TASP1: variants seen among roughly 807,000 people sequenced by gnomAD.
TASP1 encodes taspase 1.
TASP1 carries 16 observed loss-of-function variants against 56.6 expected under a neutral mutation model. The observed-to-expected ratio is 0.28, with a 90% CI of 0.19 to 0.43. The LOEUF (loss-of-function observed/expected upper bound fraction) is 0.43. Ranked by LOEUF, TASP1 falls within the 20% of genes least tolerant of loss-of-function variation. The probability of loss-of-function intolerance (pLI) is 1.00; values close to 1 mark genes in which losing one functional copy is unlikely to be tolerated. For synonymous variants in TASP1, 179 were observed against 184.2 expected (o/e 0.97, Z 0.23); for missense variants, 393 against 511.6 (o/e 0.77, Z 2.24).
chr20:13,209,095 A>G, the TASP1 span, among the ~76,000 whole-genome samples: 7 of 152,168 alleles, frequency 4.6e-5, no homozygotes, highest in Admixed American at 3.3e-4. Context: ...TGGAGTGTCC[A>G]CTGTCTATGA....
chr20:13,548,487 A>T (rs1394111182), intron 8 of TASP1, among the ~76,000 whole-genome samples: 1 of 152,136 alleles, frequency 6.6e-6, no homozygotes, highest in Non-Finnish European at 1.5e-5. Flanking sequence ...CCATTCAAAT[A>T]AACCTTCATT....
At chr20:13,627,428 AG>A (rs1384876105) in intron 2 of TASP1, among the ~76,000 whole-genome samples, 4 of 152,158 alleles carry the variant, frequency 2.6e-5, no homozygotes, top group African/African-American at 7.2e-5. Flanking sequence ...CCTTTACCTG[AG>A]AGTATGAAAT....
the TASP1 span, among the ~76,000 whole-genome samples, chr20:13,233,583 G>A: frequency 4.8e-5 from 6 of 125,372 alleles, no homozygotes; most frequent in South Asian, 2.5e-4. Flanking sequence ...CAACAAGAGC[G>A]AAACTCCATC....
the TASP1 span, among the ~76,000 whole-genome samples, chr20:13,347,554 A>G: frequency 6.6e-6 from 1 of 152,188 alleles, no homozygotes. Flanking sequence ...AGCAAAGTTT[A>G]TTGGCCAGGC....
chr20:13,215,093 T>C, the TASP1 span, among the ~76,000 whole-genome samples: 1 of 152,210 alleles, frequency 6.6e-6, no homozygotes, highest in African/African-American at 2.4e-5. Flanking sequence ...TTTCTATATG[T>C]ACAGCATACT....
intron 11 of TASP1, among the ~76,000 whole-genome samples, chr20:13,446,704 C>A (rs6042113): frequency 0.091 from 13,885 of 152,058 alleles, 1,206 homozygotes; most frequent in African/African-American, 0.23. Context: ...TCAGAAAAAA[C>A]GGAGTTCTTT....
chr20:13,597,968 C>T (rs1014830299), intron 4 of TASP1, among the ~76,000 whole-genome samples: 1 of 152,090 alleles, frequency 6.6e-6, no homozygotes, highest in Non-Finnish European at 1.5e-5. Flanking sequence ...AGGAATCCAA[C>T]TTACAAGGGA....
the TASP1 span, among the ~76,000 whole-genome samples, chr20:13,355,911 T>C: frequency 1.8e-4 from 27 of 152,362 alleles, no homozygotes; most frequent in African/African-American, 4.8e-4. Flanking sequence ...GGAGATTTCA[T>C]AGGACTCCTC....
chr20:13,580,008 G>A (rs2047063036), intron 6 of TASP1, among the ~76,000 whole-genome samples: 1 of 152,198 alleles, frequency 6.6e-6, no homozygotes, highest in Admixed American at 6.5e-5. Context: ...GGCATGCTGA[G>A]CATAGACTAA....
At chr20:13,317,075 A>C in the TASP1 span, among the ~76,000 whole-genome samples, 1 of 152,008 alleles carries the variant, frequency 6.6e-6, no homozygotes, top group Non-Finnish European at 1.5e-5. Context: ...GGAATTAATA[A>C]GCAATTATAG....
At chr20:13,184,261 G>T in the TASP1 span, among the ~76,000 whole-genome samples, 1 of 152,178 alleles carries the variant, frequency 6.6e-6, no homozygotes, top group East Asian at 1.9e-4. Context: ...ATACAAATAA[G>T]CCCAGGTACC....
chr20:13,325,347 G>A, the TASP1 span, among the ~76,000 whole-genome samples: 1 of 152,184 alleles, frequency 6.6e-6, no homozygotes, highest in Admixed American at 6.5e-5. Context: ...TCGTGCTTAA[G>A]ATGTATTTGT....
At chr20:13,461,408 T>C (rs1012631624) in intron 11 of TASP1, among the ~76,000 whole-genome samples, 1 of 152,182 alleles carries the variant, frequency 6.6e-6, no homozygotes, top group Non-Finnish European at 1.5e-5. Flanking sequence ...TATTCACTGT[T>C]GTATTTCTAG....
chr20:13,125,599 G>A, the TASP1 span, among the ~76,000 whole-genome samples: 1 of 152,216 alleles, frequency 6.6e-6, no homozygotes. Flanking sequence ...ATCTGGGCTT[G>A]CTTCTGTACA....
At chr20:13,250,760 C>T in the TASP1 span, among the ~76,000 whole-genome samples, 1 of 152,220 alleles carries the variant, frequency 6.6e-6, no homozygotes, top group Non-Finnish European at 1.5e-5. Flanking sequence ...TCAGTAATTA[C>T]ATATTGAATG....
chr20:13,160,005 C>A, the TASP1 span: 1 of 1,598,046 alleles, frequency 6.3e-7, no homozygotes, highest in South Asian at 1.1e-5. Context: ...TCCTTAAGGG[C>A]TTTTGCAAGG....
intron 11 of TASP1, among the ~76,000 whole-genome samples, chr20:13,438,550 C>A (rs1600797933): frequency 6.6e-6 from 1 of 152,138 alleles, no homozygotes; most frequent in East Asian, 1.9e-4. Context: ...ACCATAAAAA[C>A]CCTAGAAGAA....
At chr20:13,493,047 C>T (rs1169233207) in intron 10 of TASP1, among the ~76,000 whole-genome samples, 2 of 152,014 alleles carry the variant, frequency 1.3e-5, no homozygotes, top group Admixed American at 6.6e-5. Flanking sequence ...CACACTCATA[C>T]GAAAAATCCC....
the TASP1 span, among the ~76,000 whole-genome samples, chr20:13,192,259 G>A: frequency 3.8e-4 from 58 of 152,272 alleles, no homozygotes; most frequent in African/African-American, 1.3e-3. Context: ...GAACAGGGCC[G>A]GGAATGGCAG....
Sources: allele counts gnomAD v4.1 joint callset (sites outside exome capture counted in the v4.1 genomes callset), GRCh38; gene constraint gnomAD v4.1.1; transcripts MANE v1.5; gene names NCBI Gene and HGNC (gene_info 2026-07-23, HGNC 2026-07-21).